COL21A1: variants seen among roughly 807,000 people sequenced by gnomAD.
COL21A1 encodes collagen alpha-1(XXI) chain.
A neutral mutation model predicts 137.9 loss-of-function variants in COL21A1; 149 were observed. The ratio of observed to expected loss-of-function variants is 1.08; its 90% CI spans 0.95 to 1.24. The LOEUF (loss-of-function observed/expected upper bound fraction) is 1.24, where lower values mean the gene tolerates loss of function less well. COL21A1 is among the 50% of genes most tolerant of loss of function. The probability of loss-of-function intolerance (pLI) is 0.00; values close to 1 mark genes in which losing one functional copy is unlikely to be tolerated. For synonymous variants in COL21A1, 456 were observed against 391.5 expected (o/e 1.16, Z -1.95); for missense variants, 1,167 against 1,158.4 (o/e 1.01, Z -0.11).
chr6:56,384,764 C>G (rs553843273), intron 1 of COL21A1, among the ~76,000 whole-genome samples: 1 of 152,232 alleles, frequency 6.6e-6, no homozygotes, highest in East Asian at 1.9e-4. Context: ...CTGCTAATAA[C>G]ACTTATAAGC....
chr6:56,272,713 G>A (rs1227690180), intron 1 of COL21A1, among the ~76,000 whole-genome samples: 2 of 152,072 alleles, frequency 1.3e-5, no homozygotes, highest in Non-Finnish European at 2.9e-5. Context: ...CTGTTCTCAT[G>A]ATAATGAGGG....
At chr6:56,105,660 C>A (rs1474979072) in intron 16 of COL21A1, among the ~76,000 whole-genome samples, 1 of 152,064 alleles carries the variant, frequency 6.6e-6, no homozygotes, top group East Asian at 1.9e-4. Flanking sequence ...GGCCATGTCA[C>A]CTTGGACAAG....
At chr6:56,185,228 A>G (rs1034463447) in intron 1 of COL21A1, among the ~76,000 whole-genome samples, 1 of 151,930 alleles carries the variant, frequency 6.6e-6, no homozygotes, top group East Asian at 1.9e-4. Flanking sequence ...TGAAATATAA[A>G]TTTGAAAGAC....
intron 1 of COL21A1, among the ~76,000 whole-genome samples, chr6:56,335,169 T>C (rs6911570): frequency 0.68 from 102,542 of 151,902 alleles, 34,965 homozygotes; most frequent in East Asian, 0.9. Context: ...AAGTACCACA[T>C]GAGTTGGACC....
rs775356405 is a variant in COL21A1 at position 56,064,583 on chromosome 6, G to T, written c.2167C>A (p.Gln723Lys). Residue 723 changes from glutamine (Q) to lysine (K), a missense_variant, in exon 24 of 30, where the codon CAA (glutamine) becomes AAA (lysine). Coordinates refer to ENST00000244728, the MANE Select transcript of COL21A1 (RefSeq NM_030820.4). ...AGAAGAAAACCAAAAAATACCTGTT[G>T]CCCTGGAATTCCCTGTCTTCCATTT... ...GENGRQGIPG[Q>K]QGIQGHHGAK... The T allele has an allele frequency of 8.2e-6, 13 of 1,594,374 alleles. No individual in the cohort carries two copies. The South Asian group carries it at 1.1e-4, about 14-fold the overall frequency.
intron 16 of COL21A1, among the ~76,000 whole-genome samples, chr6:56,123,309 C>T (rs1205251915): frequency 1.3e-5 from 2 of 152,142 alleles, no homozygotes; most frequent in Admixed American, 1.3e-4. Flanking sequence ...GGAAGTGTTG[C>T]CTCAAAGTAT....
At position 56,170,696 on chromosome 6, in the gene COL21A1, C is replaced by G; in HGVS notation, c.979G>C (p.Val327Leu). The change falls in exon 5 of 30, where the codon GTA (valine) becomes CTA (leucine). Residue 327 changes from valine to leucine, a missense_variant. Val to Leu is a conservative substitution (Grantham distance 32). Transcript: ENST00000244728. ...DKILLFTTTSVINGSQVVTFA... is the reference protein window; with the variant it reads ...DKILLFTTTSLINGSQVVTFA... ...GTAACCACTTGTGAGCCATTAATTA[C>G]GCTGGTTGTTGTAAATAATAAGATT... 1 of 1,605,000 alleles carries G rather than the reference C, an allele frequency of 6.2e-7. No homozygotes were observed. Among genetic ancestry groups the G allele is most frequent in the Non-Finnish European group, 8.5e-7 (1 of 1,174,630 alleles).
At chr6:56,134,242 T>G (rs1300312992) in intron 12 of COL21A1, among the ~76,000 whole-genome samples, 1 of 152,192 alleles carries the variant, frequency 6.6e-6, no homozygotes, top group African/African-American at 2.4e-5. Flanking sequence ...ATGACCTGGA[T>G]GTAAGACATG....
intron 8 of COL21A1, 89 bp from the exon 9 acceptor site, chr6:56,164,595 T>C: frequency 9.6e-7 from 1 of 1,043,982 alleles, no homozygotes; most frequent in Non-Finnish European, 1.4e-6. Context: ...TATATTTGTG[T>C]AAAATGGCAA....
At chr6:56,113,820 C>T (rs919125806) in intron 16 of COL21A1, among the ~76,000 whole-genome samples, 24 of 152,134 alleles carry the variant, frequency 1.6e-4, no homozygotes, top group African/African-American at 5.8e-4. Flanking sequence ...CCTTGGGCCA[C>T]AGGGGATCCC....
At chr6:56,072,016 C>T (rs890042772) in intron 20 of COL21A1, among the ~76,000 whole-genome samples, 3 of 151,470 alleles carry the variant, frequency 2.0e-5, no homozygotes, top group Non-Finnish European at 3.0e-5. Context: ...TGTTCCTCTC[C>T]CTGTGTCCAT....
intron 7 of COL21A1, among the ~76,000 whole-genome samples, chr6:56,165,824 T>C (rs1776532364): frequency 6.6e-6 from 1 of 152,012 alleles, no homozygotes; most frequent in South Asian, 2.1e-4. Flanking sequence ...GGAATTTACA[T>C]TGTCAAAAAG....
chr6:56,291,985 G>A (rs901141739), intron 1 of COL21A1, among the ~76,000 whole-genome samples: 5 of 152,038 alleles, frequency 3.3e-5, no homozygotes, highest in Non-Finnish European at 5.9e-5. Context: ...CCTGGCCAAC[G>A]TAGTGAAACC....
intron 10 of COL21A1, among the ~76,000 whole-genome samples, chr6:56,156,445 T>C (rs1259779114): frequency 6.6e-6 from 1 of 152,186 alleles, no homozygotes; most frequent in Non-Finnish European, 1.5e-5. Context: ...AAGCTACTTG[T>C]CAATTTTATA....
intron 12 of COL21A1, among the ~76,000 whole-genome samples, chr6:56,138,997 T>C (rs1397118012): frequency 6.6e-6 from 1 of 152,088 alleles, no homozygotes; most frequent in Non-Finnish European, 1.5e-5. Flanking sequence ...AGAGGAGGCC[T>C]GTGGACTCCA....
intron 10 of COL21A1, among the ~76,000 whole-genome samples, chr6:56,143,607 T>C (rs182245733): frequency 1.3e-5 from 2 of 152,268 alleles, no homozygotes; most frequent in African/African-American, 4.8e-5. Context: ...GATTCAAACT[T>C]TTTTCTTGAG....
At chr6:56,302,375 T>G (rs1764320772) in intron 1 of COL21A1, among the ~76,000 whole-genome samples, 1 of 152,102 alleles carries the variant, frequency 6.6e-6, no homozygotes, top group African/African-American at 2.4e-5. Context: ...TTTCTCCACA[T>G]CCTCTCCAGC....
intron 1 of COL21A1, among the ~76,000 whole-genome samples, chr6:56,381,241 G>A (rs760728474): frequency 3.3e-5 from 5 of 152,010 alleles, no homozygotes; most frequent in Admixed American, 6.6e-5. Flanking sequence ...TTTTTATGTG[G>A]TCGAGTTTAC....
At chr6:56,244,554 T>C (rs1425959930) in intron 1 of COL21A1, among the ~76,000 whole-genome samples, 1 of 152,246 alleles carries the variant, frequency 6.6e-6, no homozygotes, top group Non-Finnish European at 1.5e-5. Flanking sequence ...ATTCTAATTC[T>C]AATCATTTTA....
Sources: gnomAD v4.1 joint callset for allele counts (sites outside exome capture counted in the v4.1 genomes callset) on GRCh38, gnomAD v4.1.1 for gene constraint, MANE v1.5 for transcripts, NCBI Gene and HGNC (gene_info 2026-07-23, HGNC 2026-07-21) for gene names.